Variants in NEK11 observed in about 807,000 individuals in gnomAD.
The protein encoded by NEK11 is serine/threonine-protein kinase Nek11.
NEK11 carries 72 observed loss-of-function variants against 80.7 expected under a neutral mutation model. The ratio of observed to expected loss-of-function variants is 0.89; its 90% CI spans 0.74 to 1.08. The LOEUF is 1.08. NEK11 is among the 50% of genes least tolerant of loss of function. NEK11 has a pLI of 0.00. For synonymous variants in NEK11, 251 were observed against 260.7 expected (o/e 0.96, Z 0.36); for missense variants, 764 against 763.6 (o/e 1.00, Z -0.01).
At chr3:131,326,434 C>T (rs991225317) in intron 17 of NEK11, among the ~76,000 whole-genome samples, 2 of 152,212 alleles carry the variant, frequency 1.3e-5, no homozygotes, top group African/African-American at 4.8e-5. Flanking sequence ...GCTCCACCCA[C>T]CACAGTTGGT....
At chr3:131,210,801 C>CT (rs951893912) in intron 14 of NEK11, among the ~76,000 whole-genome samples, 3 of 151,998 alleles carry the variant, frequency 2.0e-5, no homozygotes, top group Non-Finnish European at 2.9e-5. Context: ...GCAATCGCTG[C>CT]TTTTTTTTGT....
At position 131,062,540 on chromosome 3, in the gene NEK11, A is replaced by T. The variant is rs544243816; in HGVS notation, c.171-17883A>T. Among the ~76,000 whole-genome samples, 4 of 152,232 alleles carry T rather than the reference A, an allele frequency of 2.6e-5. 1 individual carries two copies. The South Asian group carries it at 8.3e-4, about 32-fold the overall frequency. On this transcript the variant is annotated intron_variant, in intron 3 of 17. Coordinates refer to ENST00000383366, the MANE Select transcript of NEK11 (RefSeq NM_024800.5). Reference sequence around the variant, plus strand: ...CACCACCAGAAATAAAATATAGAACATTCCTACACCCTTAAAAAGTTATCT... The same window carrying T: ...CACCACCAGAAATAAAATATAGAACTTTCCTACACCCTTAAAAAGTTATCT...
rs2074386002 is a variant in NEK11, at chr3:131,076,542, ATC to A, written c.171-3875_171-3874del. ...TTAAAACCCCTGATTATATTTCATA[ATC>A]TCTCTTTGTAAAACAGGCAAATGAT... On this transcript the variant is annotated intron_variant, in intron 3 of 17. Transcript: ENST00000383366. Among the ~76,000 whole-genome samples, 3 of 152,190 alleles carry A rather than the reference ATC, an allele frequency of 2.0e-5. No homozygotes were observed. The South Asian group carries it at 6.2e-4, about 32-fold the overall frequency.
At chr3:131,287,265 A>T (rs2096484662) in intron 17 of NEK11, among the ~76,000 whole-genome samples, 1 of 151,944 alleles carries the variant, frequency 6.6e-6, no homozygotes, top group South Asian at 2.1e-4. Flanking sequence ...TGGTCCAAAG[A>T]TGTTTCTTTG....
intron 17 of NEK11, chr3:131,329,995 G>T (rs2097047791): frequency 6.6e-6 from 1 of 152,270 alleles, no homozygotes; most frequent in Non-Finnish European, 1.5e-5. Flanking sequence ...ATAGACTGTA[G>T]AGTAGTGAGG....
chr3:131,165,303 T>A, intron 11 of NEK11, 123 bp from the exon 12 acceptor site: 1 of 645,590 alleles, frequency 1.5e-6, no homozygotes, highest in Non-Finnish European at 2.8e-6. Flanking sequence ...GGAAGAGACC[T>A]GATGGCCTGG....
chr3:131,332,905 G>A (rs981087863), intron 17 of NEK11, among the ~76,000 whole-genome samples: 20 of 151,972 alleles, frequency 1.3e-4, no homozygotes, highest in African/African-American at 4.4e-4. Flanking sequence ...AGCGAGAAGG[G>A]AAGTTTAGAG....
chr3:131,052,426 A>T, intron 3 of NEK11, among the ~76,000 whole-genome samples: 1 of 152,156 alleles, frequency 6.6e-6, no homozygotes, highest in East Asian at 1.9e-4. Flanking sequence ...CATTTCAGAA[A>T]TGTGCTGTTT....
chr3:131,159,009 C>A (rs930571329), intron 10 of NEK11, among the ~76,000 whole-genome samples: 5 of 152,158 alleles, frequency 3.3e-5, no homozygotes, highest in African/African-American at 1.2e-4. Flanking sequence ...AGCACACAGC[C>A]CAGGAGCTGG....
At chr3:131,229,806 G>A (rs1215343312) in intron 15 of NEK11, among the ~76,000 whole-genome samples, 3 of 151,896 alleles carry the variant, frequency 2.0e-5, no homozygotes, top group Non-Finnish European at 4.4e-5. Flanking sequence ...TGAAGAGAAA[G>A]GATTAGAGAG....
intron 5 of NEK11, among the ~76,000 whole-genome samples, chr3:131,110,683 G>A (rs530498762): frequency 7.2e-5 from 11 of 152,208 alleles, no homozygotes; most frequent in Middle Eastern, 3.4e-3. Flanking sequence ...GGAAGTGGGC[G>A]TTAACACATG....
At chr3:131,041,982 C>G (rs376106651) in intron 3 of NEK11, among the ~76,000 whole-genome samples, 1 of 152,132 alleles carries the variant, frequency 6.6e-6, no homozygotes, top group South Asian at 2.1e-4. Flanking sequence ...CGTCACCTCA[C>G]CCCGGAAGTG....
intron 5 of NEK11, among the ~76,000 whole-genome samples, chr3:131,131,924 A>G (rs1229477615): frequency 9.9e-5 from 15 of 152,046 alleles, no homozygotes. Context: ...AGTTCAAAAT[A>G]TTTTAAAATT....
At chr3:131,305,399 C>T (rs916471043) in intron 17 of NEK11, among the ~76,000 whole-genome samples, 5 of 152,024 alleles carry the variant, frequency 3.3e-5, no homozygotes, top group African/African-American at 1.2e-4. Context: ...GCACTGCTAG[C>T]AGGCATGGTG....
intron 5 of NEK11, among the ~76,000 whole-genome samples, chr3:131,128,333 A>T (rs1227080981): frequency 2.0e-5 from 3 of 151,934 alleles, no homozygotes; most frequent in Admixed American, 2.0e-4. Flanking sequence ...TCCCTCTTAA[A>T]CCCTGGCAAC....
intron 14 of NEK11, among the ~76,000 whole-genome samples, chr3:131,209,700 G>A (rs895739967): frequency 1.3e-5 from 2 of 152,020 alleles, no homozygotes; most frequent in African/African-American, 4.8e-5. Context: ...ACTTCTTCCT[G>A]GTTTAGTCTT....
intron 3 of NEK11, among the ~76,000 whole-genome samples, chr3:131,065,455 C>T (rs893262693): frequency 6.6e-6 from 1 of 152,152 alleles, no homozygotes; most frequent in African/African-American, 2.4e-5. Flanking sequence ...ACCATATTCC[C>T]CTTGAAATGA....
intron 16 of NEK11, among the ~76,000 whole-genome samples, chr3:131,270,753 G>A (rs544453141): frequency 1.3e-5 from 2 of 152,304 alleles, no homozygotes; most frequent in African/African-American, 4.8e-5. Context: ...AGCAGACTGA[G>A]TGCCTTATTG....
At chr3:131,189,905 A>C (rs1054294976) in intron 14 of NEK11, among the ~76,000 whole-genome samples, 1 of 152,184 alleles carries the variant, frequency 6.6e-6, no homozygotes, top group Non-Finnish European at 1.5e-5. Flanking sequence ...CTACTATTTT[A>C]CTAATTTTCA....
Sources: allele counts gnomAD v4.1 joint callset (sites outside exome capture counted in the v4.1 genomes callset), GRCh38; gene constraint gnomAD v4.1.1; transcripts MANE v1.5; gene names NCBI Gene and HGNC (gene_info 2026-07-23, HGNC 2026-07-21).